The following ZNRF1 variants were observed in gnomAD, a reference collection of about 807,000 sequenced individuals.
ZNRF1 encodes E3 ubiquitin-protein ligase ZNRF1.
A neutral mutation model predicts 18.4 loss-of-function variants in ZNRF1; 3 were observed. The observed-to-expected ratio is 0.16, with a 90% confidence interval of 0.07 to 0.42. ZNRF1 has a LOEUF of 0.42. Among genes scored for constraint, ZNRF1 ranks in the 10% least tolerant of loss-of-function variants. The probability of loss-of-function intolerance (pLI) is 0.99; values close to 1 mark genes in which losing one functional copy is unlikely to be tolerated. For missense variants in ZNRF1, 310 were observed against 329.8 expected (o/e 0.94, Z 0.47); for synonymous variants, 157 against 144.2 (o/e 1.09, Z -0.64).
chr16:75,022,960 A>G (rs1313752747), intron 1 of ZNRF1, among the ~76,000 whole-genome samples: 1 of 152,212 alleles, frequency 6.6e-6, no homozygotes, highest in African/African-American at 2.4e-5. Context: ...TTATGGGATC[A>G]TTGGTGATCC....
At chr16:75,078,773 T>C (rs2035974532) in intron 1 of ZNRF1, among the ~76,000 whole-genome samples, 1 of 152,238 alleles carries the variant, frequency 6.6e-6, no homozygotes, top group African/African-American at 2.4e-5. Context: ...TTCATAAACA[T>C]TTGTTTGTGA....
chr16:75,032,466 C>T (rs1038342913), intron 1 of ZNRF1, among the ~76,000 whole-genome samples: 3 of 152,006 alleles, frequency 2.0e-5, no homozygotes, highest in Non-Finnish European at 2.9e-5. Flanking sequence ...CTATGCAAGT[C>T]CTTTGTCAAT....
chr16:75,041,938 G>A (rs1305972294), intron 1 of ZNRF1, among the ~76,000 whole-genome samples: 1 of 152,130 alleles, frequency 6.6e-6, no homozygotes, highest in Non-Finnish European at 1.5e-5. Context: ...GGAGGTCGCA[G>A]TGAGCTGAGA....
intron 1 of ZNRF1, among the ~76,000 whole-genome samples, chr16:75,035,867 T>C (rs1051008918): frequency 2.0e-5 from 3 of 152,208 alleles, no homozygotes; most frequent in South Asian, 2.1e-4. Flanking sequence ...GGTCATAAAC[T>C]AGTTAAACTC....
At chr16:75,086,942 G>T (rs1421388517) in intron 1 of ZNRF1, among the ~76,000 whole-genome samples, 1 of 152,142 alleles carries the variant, frequency 6.6e-6, no homozygotes, top group Non-Finnish European at 1.5e-5. Flanking sequence ...CATCAGCATG[G>T]GGAGGGGGGC....
Position 74,999,633 on chromosome 16 carries a change from C to G in ZNRF1, c.-39C>G. 7.6e-7 allele frequency: 1 copy of G among 1,312,182 alleles called. No homozygotes were observed. Among genetic ancestry groups the G allele is most frequent in the Non-Finnish European group, 9.7e-7 (1 of 1,031,978 alleles). 81.3% of individuals were successfully genotyped at this position (1,312,182 alleles called of 1,614,324 possible). Reference sequence around the variant, plus strand: ...GCTGCTGAGAAGTGGGGGAGGGTCTCGGCCTCCAGGTTCCCGCCCCACCGG... The same window carrying G: ...GCTGCTGAGAAGTGGGGGAGGGTCTGGGCCTCCAGGTTCCCGCCCCACCGG... On this transcript the variant is annotated 5_prime_UTR_variant, in exon 1 of 5. Transcript: ENST00000335325.
chr16:75,022,407 C>CA (rs1184995030), intron 1 of ZNRF1, among the ~76,000 whole-genome samples: 46 of 148,610 alleles, frequency 3.1e-4, no homozygotes, highest in African/African-American at 1.1e-3. Flanking sequence ...ACTAAAAATA[C>CA]AAAAAAAAAT....
chr16:75,063,196 C>G (rs1291594756), intron 1 of ZNRF1, among the ~76,000 whole-genome samples: 1 of 152,170 alleles, frequency 6.6e-6, no homozygotes, highest in Non-Finnish European at 1.5e-5. Flanking sequence ...CCCCACATAG[C>G]CCCGCTTCCC....
At chr16:75,005,502 C>A (rs929406538) in intron 1 of ZNRF1, among the ~76,000 whole-genome samples, 3 of 152,090 alleles carry the variant, frequency 2.0e-5, no homozygotes, top group African/African-American at 7.2e-5. Context: ...AAGGAACATG[C>A]TTTGTATTTT....
chr16:74,999,848 G>A lies in ZNRF1; in HGVS notation c.177G>A (p.Met59Ile). The A allele has an allele frequency of 6.7e-7, 1 of 1,494,808 alleles. No homozygotes were observed. Among genetic ancestry groups the A allele is most frequent in the Non-Finnish European group, 8.9e-7 (1 of 1,126,038 alleles). The allele number at this position is 1,494,808 out of a possible 1,614,324, so 92.6% of individuals were successfully genotyped here. Residue 59 changes from methionine (M) to isoleucine (I), a missense_variant, in exon 1 of 5, where the codon ATG becomes ATA. By Grantham distance (10) the Met-to-Ile change is conservative. Transcript: ENST00000335325. Reference sequence around the variant, plus strand: ...TCAGCTCGGTGGCAGGCATGGGCATGGACCCCAGCACGGCCGGGGGGGTGC... The same window carrying A: ...TCAGCTCGGTGGCAGGCATGGGCATAGACCCCAGCACGGCCGGGGGGGTGC... ...RSVSSVAGMGMDPSTAGGVPF... is the reference protein window; with the variant it reads ...RSVSSVAGMGIDPSTAGGVPF...
At position 75,108,827 on chromosome 16, in the gene ZNRF1, T is replaced by C; in HGVS notation, c.*1127T>C. The C allele has an allele frequency of 2.9e-6, 1 of 340,056 alleles. No homozygotes were observed. 21.1% of individuals were successfully genotyped at this position (340,056 alleles called of 1,614,324 possible). On this transcript the variant is annotated 3_prime_UTR_variant, in exon 5 of 5. Coordinates refer to ENST00000335325, the MANE Select transcript of ZNRF1 (RefSeq NM_032268.5). ...ATTCCTTCAGGCTGCTACTCGGGGC[T>C]CCAGGTGTGTGAATTGGTCCTCAGA...
At chr16:75,077,355 A>G (rs964800449) in intron 1 of ZNRF1, among the ~76,000 whole-genome samples, 4 of 152,216 alleles carry the variant, frequency 2.6e-5, no homozygotes, top group African/African-American at 9.7e-5. Flanking sequence ...CAACATGTAC[A>G]AACCCCGTCT....
intron 2 of ZNRF1, among the ~76,000 whole-genome samples, chr16:75,102,183 T>A (rs1380227298): frequency 6.6e-6 from 1 of 152,118 alleles, no homozygotes; most frequent in Non-Finnish European, 1.5e-5. Context: ...CCCTGAAGAA[T>A]CTTCATTTTA....
chr16:75,078,235 G>T (rs2035966279), intron 1 of ZNRF1, among the ~76,000 whole-genome samples: 3 of 144,636 alleles, frequency 2.1e-5, no homozygotes, highest in Admixed American at 1.4e-4. Context: ...CCAGATCTCT[G>T]TTTTTCCATT....
At chr16:75,073,146 C>CTCTGTCTCTG (rs1555513184) in intron 1 of ZNRF1, among the ~76,000 whole-genome samples, 1 of 128,662 alleles carries the variant, frequency 7.8e-6, no homozygotes, top group East Asian at 2.3e-4. Flanking sequence ...CTCTCTCTCT[C>CTCTGTCTCTG]TCTCTCTGTC....
At chr16:75,020,364 T>A in intron 1 of ZNRF1, among the ~76,000 whole-genome samples, 1 of 152,138 alleles carries the variant, frequency 6.6e-6, no homozygotes, top group East Asian at 1.9e-4. Flanking sequence ...GTCTTTTGAT[T>A]GGCATGTTTA....
At chr16:75,050,000 C>T (rs2035571745) in intron 1 of ZNRF1, among the ~76,000 whole-genome samples, 1 of 152,134 alleles carries the variant, frequency 6.6e-6, no homozygotes, top group Non-Finnish European at 1.5e-5. Context: ...CCCTCCTCCC[C>T]ATCCCTAATA....
intron 1 of ZNRF1, among the ~76,000 whole-genome samples, chr16:75,023,986 T>A (rs1597863955): frequency 6.6e-6 from 1 of 151,504 alleles, no homozygotes; most frequent in African/African-American, 2.4e-5. Context: ...TTCTCCTGAC[T>A]CAGCCTCCCC....
intron 1 of ZNRF1, among the ~76,000 whole-genome samples, chr16:75,007,209 C>T (rs959971412): frequency 4.0e-5 from 6 of 151,648 alleles, no homozygotes; most frequent in Admixed American, 6.6e-5. Flanking sequence ...AGGCGGATGC[C>T]GCTACGCCTG....
Sources: gnomAD v4.1 joint callset for allele counts (sites outside exome capture counted in the v4.1 genomes callset) on GRCh38, gnomAD v4.1.1 for gene constraint, MANE v1.5 for transcripts, NCBI Gene and HGNC (gene_info 2026-07-23, HGNC 2026-07-21) for gene names.